The following RELN variants were observed in gnomAD, a reference collection of about 807,000 sequenced individuals.
RELN encodes the protein reelin.
RELN carries 108 observed loss-of-function variants against 427.6 expected under a neutral mutation model. The observed-to-expected ratio is 0.25, with a 90% confidence interval of 0.22 to 0.30. RELN has a LOEUF of 0.30. Among genes scored for constraint, RELN ranks in the 10% least tolerant of loss-of-function variants. RELN has a pLI of 1.00. For synonymous variants in RELN, 1,524 were observed against 1,513.4 expected (o/e 1.01, Z -0.16); for missense variants, 3,715 against 4,302.8 (o/e 0.86, Z 3.82).
At chr7:103,806,516 G>C (rs965106458) in intron 3 of RELN, among the ~76,000 whole-genome samples, 3 of 151,922 alleles carry the variant, frequency 2.0e-5, no homozygotes, top group African/African-American at 7.3e-5. Context: ...GTAGAGAAAG[G>C]GTTTTTCCAC....
intron 12 of RELN, among the ~76,000 whole-genome samples, chr7:103,657,434 G>C (rs534815783): frequency 1.3e-5 from 2 of 151,992 alleles, no homozygotes; most frequent in East Asian, 3.9e-4. Context: ...ATATATTAAG[G>C]ATTTACCAAA....
chr7:103,876,568 T>C (rs1794483668), intron 2 of RELN, among the ~76,000 whole-genome samples: 2 of 152,210 alleles, frequency 1.3e-5, no homozygotes, highest in Non-Finnish European at 2.9e-5. Context: ...TAATACTTTA[T>C]ATTATAATTA....
At chr7:103,668,906 T>C (rs10215917) in intron 11 of RELN, among the ~76,000 whole-genome samples, 2,952 of 152,262 alleles carry the variant, frequency 0.019, 113 homozygotes, top group African/African-American at 0.068. Context: ...TAGAGTATTA[T>C]TAAAGTGAAA....
intron 2 of RELN, among the ~76,000 whole-genome samples, chr7:103,864,426 T>C (rs974910288): frequency 2.6e-5 from 4 of 152,184 alleles, no homozygotes; most frequent in African/African-American, 9.7e-5. Flanking sequence ...ACTAAAACTT[T>C]ATACCTCTTG....
rs1830203704 is a variant in RELN, at chr7:103,542,862, A to G, written c.6540T>C (p.Asp2180=). 2 of 1,614,036 alleles carry G rather than the reference A, an allele frequency of 1.2e-6. No homozygotes were observed. Among genetic ancestry groups the G allele is most frequent in the Non-Finnish European group, 1.7e-6 (2 of 1,180,010 alleles). ...KDDFEGQLES[D]RFLLMSGGKP... ...TCCCACCACTCATTAATAAGAATCTATCAGATTCTAGCTGACCTGAAAAAA... is the reference window on the plus strand; with the variant it reads ...TCCCACCACTCATTAATAAGAATCTGTCAGATTCTAGCTGACCTGAAAAAA... The change falls in exon 43 of 65, where the codon GAT becomes GAC. Residue 2180 remains aspartate (D), a synonymous_variant. Coordinates refer to ENST00000428762, the MANE Select transcript of RELN (RefSeq NM_005045.4).
intron 11 of RELN, among the ~76,000 whole-genome samples, chr7:103,676,107 T>C (rs143956870): frequency 0.055 from 8,397 of 152,124 alleles, 284 homozygotes; most frequent in Middle Eastern, 0.18. Context: ...AGGCAACCTA[T>C]AGAATGGGAG....
intron 48 of RELN, among the ~76,000 whole-genome samples, chr7:103,521,151 T>C (rs186755427): frequency 0.022 from 3,353 of 149,468 alleles, 142 homozygotes; most frequent in African/African-American, 0.079. Flanking sequence ...TAATTTTTTT[T>C]TGTATTTTTA....
intron 22 of RELN, among the ~76,000 whole-genome samples, chr7:103,604,684 C>CT (rs1258669040): frequency 6.6e-6 from 1 of 152,072 alleles, no homozygotes; most frequent in Non-Finnish European, 1.5e-5. Context: ...AGAAATCTGT[C>CT]TATTGGATGC....
chr7:103,946,395 G>T lies in RELN; in HGVS notation c.227-29210C>A, dbSNP rs935031419. On this transcript the variant is annotated intron_variant, in intron 1 of 64. Transcript: ENST00000428762. ...TTTATGAAACATTGAACAAAAAAAA[G>T]GTGAGAAGTTCAAATTAGTATTTAC... 4.6e-5 allele frequency among the ~76,000 whole-genome samples: 7 copies of T among 152,086 alleles called. 1 individual carries two copies. Among genetic ancestry groups the T allele is most frequent in the Admixed American group, 4.6e-4 (7 of 15,250 alleles).
In RELN at chr7:103,773,436, TCTC is replaced by T. The variant is rs1563004966; in HGVS notation, c.544+3118_544+3120del. On this transcript the variant is annotated intron_variant, in intron 4 of 64. Transcript: ENST00000428762. ...CTCTCTCCCTCGCTCCCTCTCTCTC[TCTC>T]TCTCTCCCTCGCTCCCTCCCTCTCT... Among the ~76,000 whole-genome samples, 36 of 120,864 alleles carry T rather than the reference TCTC, an allele frequency of 3.0e-4. 2 individuals are homozygous for T. Among genetic ancestry groups the T allele is most frequent in the African/African-American group, 1.0e-3 (35 of 34,936 alleles). The allele number at this position is 120,864 out of a possible 152,430, so 79.3% of individuals were successfully genotyped here. A position where few individuals can be genotyped will look rare whatever the true frequency, so the allele number is the denominator to read the frequency against.
At chr7:103,521,917 A>G (rs1482871995) in intron 48 of RELN, 105 bp downstream of exon 48, 1 of 1,145,766 alleles carries the variant, frequency 8.7e-7, no homozygotes, top group Non-Finnish European at 1.3e-6. Flanking sequence ...ATTTAGGGTA[A>G]CTAACCCTGC....
At chr7:103,785,944 T>G (rs1201603659) in intron 3 of RELN, among the ~76,000 whole-genome samples, 2 of 146,436 alleles carry the variant, frequency 1.4e-5, no homozygotes, top group African/African-American at 5.1e-5. Context: ...TAAACTCCAT[T>G]TTTTTTTTTG....
At chr7:103,767,564 T>A (rs1791456935) in intron 4 of RELN, among the ~76,000 whole-genome samples, 1 of 152,218 alleles carries the variant, frequency 6.6e-6, no homozygotes, top group African/African-American at 2.4e-5. Flanking sequence ...AGGACTCATG[T>A]GGTTCAGAGA....
intron 59 of RELN, among the ~76,000 whole-genome samples, chr7:103,490,329 C>T: frequency 8.8e-6 from 1 of 114,274 alleles, no homozygotes; most frequent in African/African-American, 2.6e-5. Flanking sequence ...TTTGGGAAGG[C>T]AGAACACTGG....
At chr7:103,549,261 T>C (rs1041034291) in intron 41 of RELN, among the ~76,000 whole-genome samples, 2 of 152,180 alleles carry the variant, frequency 1.3e-5, no homozygotes, top group Non-Finnish European at 2.9e-5. Context: ...AGCACCTCAG[T>C]GTCTGGTGAG....
intron 6 of RELN, 113 bp downstream of exon 6, chr7:103,749,313 G>A (rs1035649321): frequency 5.8e-5 from 48 of 829,798 alleles, no homozygotes; most frequent in African/African-American, 1.0e-4. Flanking sequence ...AAGTCTCACT[G>A]ATAGCTTAGC....
intron 3 of RELN, among the ~76,000 whole-genome samples, chr7:103,797,508 A>G (rs954705808): frequency 6.6e-6 from 1 of 152,200 alleles, no homozygotes; most frequent in Non-Finnish European, 1.5e-5. Context: ...CCTACTGTTA[A>G]CTTCTTACAT....
At position 103,472,533 on chromosome 7, in the gene RELN, CTG is replaced by C; in HGVS notation, c.*277_*278del. The C allele has an allele frequency of 7.7e-6, 3 of 391,656 alleles. No individual in the cohort carries two copies. In the East Asian group the frequency reaches 1.6e-4, roughly 20 times the overall value. 24.3% of individuals were successfully genotyped at this position (391,656 alleles called of 1,614,324 possible). The stretch of plus-strand genomic sequence containing the variant: ...GCTTAAATTTCATTTTTCTGTTAAA[CTG>C]TTTCTTATTGTCAATACTGCCACTG... On this transcript the variant is annotated 3_prime_UTR_variant, in exon 65 of 65. Coordinates refer to ENST00000428762, the MANE Select transcript of RELN (RefSeq NM_005045.4).
intron 12 of RELN, among the ~76,000 whole-genome samples, chr7:103,657,502 T>C (rs1456923304): frequency 6.6e-6 from 1 of 152,124 alleles, no homozygotes; most frequent in Non-Finnish European, 1.5e-5. Flanking sequence ...CCATACCTAA[T>C]GACGCAGGCA....
Sources: gnomAD v4.1 joint callset for allele counts (sites outside exome capture counted in the v4.1 genomes callset) on GRCh38, gnomAD v4.1.1 for gene constraint, MANE v1.5 for transcripts, NCBI Gene and HGNC (gene_info 2026-07-23, HGNC 2026-07-21) for gene names.